Variants in SLC19A2 observed in about 807,000 individuals in gnomAD.
SLC19A2 encodes thiamine transporter 1.
SLC19A2 carries 27 observed loss-of-function variants against 44.7 expected under a neutral mutation model. The observed-to-expected ratio is 0.60, with a 90% CI of 0.45 to 0.83. SLC19A2 has a LOEUF of 0.83. Ranked by LOEUF, SLC19A2 falls within the 40% of genes least tolerant of loss-of-function variation. The pLI, the probability that SLC19A2 is intolerant of heterozygous loss-of-function variation, is 0.00. For synonymous variants in SLC19A2, 239 were observed against 243.6 expected, an observed-to-expected ratio of 0.98 and a Z score of 0.18; for missense variants, 566 against 613.7, an observed-to-expected ratio of 0.92 and a Z score of 0.82.
At chr1:169,475,181 T>C (rs1658278063) in intron 2 of SLC19A2, among the ~76,000 whole-genome samples, 1 of 152,166 alleles carries the variant, frequency 6.6e-6, no homozygotes, top group South Asian at 2.1e-4. Context: ...ACTGACACAC[T>C]GTGTATCTAT....
rs768890368 is a variant in SLC19A2, at chr1:169,468,643, C to T, written c.1223+1G>A. On this transcript the variant is annotated splice_donor_variant, in intron 4 of 5. Coordinates refer to ENST00000236137, the MANE Select transcript of SLC19A2 (RefSeq NM_006996.3). LOFTEE classifies it high-confidence loss of function. ...AGGCTTCTATGAGCCAAAATACATA[C>T]GTTGCTATCGTGATGAGTAACATGT... 32 of 1,613,010 alleles carry T rather than the reference C, an allele frequency of 2.0e-5. No individual in the cohort carries two copies. The highest frequency in any genetic ancestry group is 2.2e-5 in the East Asian group (1 of 44,862).
chr1:169,481,554 CA>C (rs1449315510), intron 1 of SLC19A2, among the ~76,000 whole-genome samples: 18 of 152,236 alleles, frequency 1.2e-4, no homozygotes, highest in African/African-American at 3.9e-4. Flanking sequence ...TCAGTGTTTC[CA>C]ATGACAGCAA....
At chr1:169,468,071 G>A in intron 5 of SLC19A2, 40 bp downstream of exon 5, 1 of 1,609,468 alleles carries the variant, frequency 6.2e-7, no homozygotes, top group Non-Finnish European at 8.5e-7. Context: ...CCCTGATCAA[G>A]TCACACATAC....
intron 2 of SLC19A2, among the ~76,000 whole-genome samples, chr1:169,472,254 T>C (rs941791209): frequency 1.3e-5 from 2 of 152,222 alleles, no homozygotes; most frequent in Admixed American, 1.3e-4. Flanking sequence ...ACCAGTTTTA[T>C]TGAACTACAT....
At chr1:169,478,355 T>C (rs1304353408) in intron 1 of SLC19A2, among the ~76,000 whole-genome samples, 4 of 151,548 alleles carry the variant, frequency 2.6e-5, no homozygotes, top group African/African-American at 9.7e-5. Flanking sequence ...TTTTTTGGTT[T>C]TGTTTTTTGT....
chr1:169,485,540 C>T, intron 1 of SLC19A2, 23 bp downstream of exon 1: 4 of 1,568,664 alleles, frequency 2.5e-6, no homozygotes, highest in Non-Finnish European at 3.5e-6. Flanking sequence ...GCCCTTCCCG[C>T]GCCCCGCGTC....
intron 2 of SLC19A2, among the ~76,000 whole-genome samples, chr1:169,471,287 C>G (rs961516643): frequency 6.6e-6 from 1 of 151,850 alleles, no homozygotes; most frequent in Non-Finnish European, 1.5e-5. Context: ...GGTAGTAGTT[C>G]AGGTGATTTT....
Position 169,464,698 on chromosome 1 carries a change from G to T in SLC19A2, c.*1151C>A, listed in dbSNP as rs1657947392. The T allele has an allele frequency of 6.6e-6, 1 of 152,548 alleles. No homozygotes were observed. Among genetic ancestry groups the T allele is most frequent in the Admixed American group, 6.5e-5 (1 of 15,276 alleles). The allele number at this position is 152,548 out of a possible 1,614,324, so 9.4% of individuals were successfully genotyped here. A position where few individuals can be genotyped will look rare whatever the true frequency, so the allele number is the denominator to read the frequency against. On this transcript the variant is annotated 3_prime_UTR_variant, in exon 6 of 6. Coordinates refer to ENST00000236137, the MANE Select transcript of SLC19A2 (RefSeq NM_006996.3). ...ACATTTTTTCAAGTAACTTGGTAAT[G>T]AAATCACTAGCAATTTTAAGCAAAT...
Position 169,485,874 on chromosome 1 carries a change from A to G in SLC19A2, c.-108T>C. 7.8e-7 allele frequency: 1 copy of G among 1,289,700 alleles called. No individual in the cohort carries two copies. The highest frequency in any genetic ancestry group is 2.5e-5 in the East Asian group (1 of 39,306). 79.9% of individuals were successfully genotyped at this position (1,289,700 alleles called of 1,614,324 possible). A position where few individuals can be genotyped will look rare whatever the true frequency, so the allele number is the denominator to read the frequency against. ...CCGCGAGTGACGCCTTCTCCCTGTA[A>G]GGCCAGGACGTTCTGGACTCGCCGC... is the stretch of plus-strand genomic sequence containing the variant. On this transcript the variant is annotated 5_prime_UTR_variant, in exon 1 of 6. Transcript: ENST00000236137.
At chr1:169,466,768 G>A (rs974089540) in intron 5 of SLC19A2, among the ~76,000 whole-genome samples, 1 of 151,242 alleles carries the variant, frequency 6.6e-6, no homozygotes, top group African/African-American at 2.4e-5. Context: ...CGACTTATGA[G>A]TGAGAACATG....
At chr1:169,478,340 T>C (rs1295088885) in intron 1 of SLC19A2, among the ~76,000 whole-genome samples, 2 of 150,996 alleles carry the variant, frequency 1.3e-5, no homozygotes, top group Non-Finnish European at 3.0e-5. Context: ...TCAAACCCTT[T>C]TTTTTTTTTT....
intron 5 of SLC19A2, among the ~76,000 whole-genome samples, chr1:169,467,730 T>TA (rs1658070065): frequency 6.6e-6 from 1 of 152,136 alleles, no homozygotes; most frequent in Admixed American, 6.5e-5. Flanking sequence ...GGAGGAGACT[T>TA]AAAGAGTTGT....
rs776444312 is a variant in SLC19A2 at position 169,485,719 on chromosome 1, G to GGCC, written c.45_47dup (p.Ala16dup). On this transcript the variant is annotated inframe_insertion, in exon 1 of 6. Transcript: ENST00000236137. ...CCCGAGCGGTCCGCAGGAGCACAGTGGCCGCCGCCGCCGCCGCCCGCCGAG... is the reference window on the plus strand; with the variant it reads ...CCCGAGCGGTCCGCAGGAGCACAGTGGCCGCCGCCGCCGCCGCCGCCCGCCGAG... 1.4e-4 allele frequency: 209 copies of GGCC among 1,537,344 alleles called. No individual in the cohort carries two copies. The African/African-American group carries it at 1.4e-3, about 10-fold the overall frequency.
chr1:169,477,330 G>A lies in SLC19A2; in HGVS notation c.632C>T (p.Pro211Leu). 1.2e-6 allele frequency: 2 copies of A among 1,614,092 alleles called. No individual in the cohort carries two copies. Among genetic ancestry groups the A allele is most frequent in the Non-Finnish European group, 1.7e-6 (2 of 1,180,020 alleles). Reference protein sequence around the residue: ...AFAVAWFLPMPQKSLFFHHIP... With the variant: ...AFAVAWFLPMLQKSLFFHHIP... ...GTGGTGAAAGAAGAGGCTCTTCTGT[G>A]GCATAGGTAAAAACCAGGCCACAGC... is the stretch of plus-strand genomic sequence containing the variant. The change falls in exon 2 of 6, where the codon CCA becomes CTA. Residue 211 changes from proline to leucine, a missense_variant. By Grantham distance (98) the Pro-to-Leu change is moderately conservative (BLOSUM62 -3). Coordinates refer to ENST00000236137, the MANE Select transcript of SLC19A2 (RefSeq NM_006996.3).
chr1:169,478,777 T>C (rs2101782353), intron 1 of SLC19A2, among the ~76,000 whole-genome samples: 1 of 152,022 alleles, frequency 6.6e-6, no homozygotes, highest in African/African-American at 2.4e-5. Context: ...TTTAAAAAAA[T>C]GTGTTAGCCA....
intron 2 of SLC19A2, among the ~76,000 whole-genome samples, chr1:169,471,350 C>T (rs1016262537): frequency 6.6e-6 from 1 of 151,532 alleles, no homozygotes; most frequent in Non-Finnish European, 1.5e-5. Context: ...TAAGTAGATG[C>T]CAGGCACAGT....
intron 2 of SLC19A2, among the ~76,000 whole-genome samples, chr1:169,476,378 A>C (rs773299602): frequency 6.6e-6 from 1 of 152,204 alleles, no homozygotes; most frequent in African/African-American, 2.4e-5. Flanking sequence ...AATAACAGAT[A>C]TCCCTTCTAG....
intron 5 of SLC19A2, 111 bp from the exon 6 acceptor site, chr1:169,466,088 AC>A: frequency 8.0e-7 from 1 of 1,254,254 alleles, no homozygotes; most frequent in Non-Finnish European, 1.1e-6. Flanking sequence ...GCATACTTAC[AC>A]CACGTGCCAG....
At chr1:169,484,788 TG>T (rs1234629125) in intron 1 of SLC19A2, among the ~76,000 whole-genome samples, 2 of 152,204 alleles carry the variant, frequency 1.3e-5, no homozygotes, top group African/African-American at 4.8e-5. Flanking sequence ...CTCTTGATGA[TG>T]GACTACGTGC....
Sources: allele counts gnomAD v4.1 joint callset (sites outside exome capture counted in the v4.1 genomes callset), GRCh38; gene constraint gnomAD v4.1.1; transcripts MANE v1.5; gene names NCBI Gene and HGNC (gene_info 2026-07-23, HGNC 2026-07-21).